AP2B1: variants seen among roughly 807,000 people sequenced by gnomAD.
The protein encoded by AP2B1 is adaptor related protein complex 2 subunit beta 1, also known as AP-2 complex subunit beta.
In AP2B1, 23 loss-of-function variants were observed where a neutral mutation model predicts 102.0. The ratio of observed to expected loss-of-function variants is 0.23; its 90% CI spans 0.16 to 0.32. The LOEUF is 0.32. Among genes scored for constraint, AP2B1 ranks in the 10% least tolerant of loss-of-function variants. The probability of loss-of-function intolerance (pLI) is 1.00; values close to 1 mark genes in which losing one functional copy is unlikely to be tolerated. For missense variants in AP2B1, 541 were observed against 1,157.4 expected, an observed-to-expected ratio of 0.47 and a Z score of 7.73; for synonymous variants, 381 against 421.2, an observed-to-expected ratio of 0.90 and a Z score of 1.17.
At chr17:35,704,638 A>C (rs1268554135) in intron 18 of AP2B1, among the ~76,000 whole-genome samples, 2 of 152,176 alleles carry the variant, frequency 1.3e-5, no homozygotes, top group Non-Finnish European at 2.9e-5. Flanking sequence ...GGGAGGTGTT[A>C]GAGCTTTCTG....
chr17:35,651,283 TAA>T (rs58170702), intron 13 of AP2B1, among the ~76,000 whole-genome samples: 1 of 149,304 alleles, frequency 6.7e-6, no homozygotes, highest in Non-Finnish European at 1.5e-5. Flanking sequence ...TTGTTTTATT[TAA>T]AAAAAAAAGC....
intron 16 of AP2B1, 137 bp from the exon 17 acceptor site, chr17:35,674,039 A>G: frequency 2.4e-6 from 2 of 823,954 alleles, no homozygotes. Context: ...TTTATAGTAT[A>G]AAAATTACTA....
intron 17 of AP2B1, among the ~76,000 whole-genome samples, chr17:35,680,299 A>C (rs2075789930): frequency 6.6e-6 from 1 of 152,098 alleles, no homozygotes; most frequent in Non-Finnish European, 1.5e-5. Context: ...AATTTGTATC[A>C]TTTTGTTTGT....
Position 35,627,742 on chromosome 17 carries a change from T to G in AP2B1, c.1155+16T>G. 1 of 1,605,740 alleles carries G rather than the reference T, an allele frequency of 6.2e-7. No homozygotes were observed. Among genetic ancestry groups the G allele is most frequent in the Non-Finnish European group, 8.5e-7 (1 of 1,173,814 alleles). On this transcript the variant is annotated intron_variant, in intron 9 of 21. Coordinates refer to ENST00000610402, the MANE Select transcript of AP2B1 (RefSeq NM_001030006.2). ...CAAGGTGGAGGCAAGTGTCTGATGG[T>G]AGTTAGGATCATGTATTGGGGATTC... is the stretch of plus-strand genomic sequence containing the variant.
intron 21 of AP2B1, among the ~76,000 whole-genome samples, chr17:35,718,447 T>G (rs1291845357): frequency 6.6e-6 from 1 of 151,848 alleles, no homozygotes; most frequent in Non-Finnish European, 1.5e-5. Flanking sequence ...TGTATGCTCC[T>G]CTCCCCAACC....
In AP2B1 at chr17:35,608,219, A is replaced by C. The variant is rs1223945957; in HGVS notation, c.357A>C (p.Thr119=). Residue 119 remains threonine, a synonymous_variant, in exon 5 of 22, where the codon ACA becomes ACC. Transcript: ENST00000610402. The part of the protein sequence containing the change: ...TMGCIRVDKI[T]EYLCEPLRKC... Reference sequence around the variant, plus strand: ...GGTGCATCCGGGTAGACAAAATTACAGAATATCTCTGTGAGCCGCTCCGCA... The same window carrying C: ...GGTGCATCCGGGTAGACAAAATTACCGAATATCTCTGTGAGCCGCTCCGCA... 5 of 1,614,182 alleles carry C rather than the reference A, an allele frequency of 3.1e-6. No homozygotes were observed. In the South Asian group the frequency reaches 5.5e-5, roughly 18 times the overall value.
chr17:35,640,495 C>G (rs770766156), intron 11 of AP2B1, among the ~76,000 whole-genome samples: 98 of 152,150 alleles, frequency 6.4e-4, no homozygotes, highest in Non-Finnish European at 1.1e-3. Context: ...ACCTCGGCTT[C>G]CCAAAGTGCT....
chr17:35,671,703 G>A (rs1479966518), intron 15 of AP2B1, 51 bp from the exon 16 acceptor site: 8 of 1,577,850 alleles, frequency 5.1e-6, no homozygotes, highest in East Asian at 4.5e-5. Flanking sequence ...TTTAAGGACT[G>A]TTAATCTGTT....
intron 14 of AP2B1, among the ~76,000 whole-genome samples, chr17:35,659,471 A>G (rs966813827): frequency 1.3e-5 from 2 of 152,244 alleles, no homozygotes; most frequent in Admixed American, 6.5e-5. Flanking sequence ...GGGTTTTGTC[A>G]TCATATTTTA....
intron 5 of AP2B1, among the ~76,000 whole-genome samples, chr17:35,616,895 C>T (rs770933553): frequency 1.3e-5 from 2 of 152,112 alleles, no homozygotes; most frequent in Non-Finnish European, 1.5e-5. Flanking sequence ...ATTTCTTAGA[C>T]GAGTGGTGTC....
rs138851511 is a variant in AP2B1 at position 35,687,861 on chromosome 17, A to G, written c.2454+5037A>G. Among the ~76,000 whole-genome samples the G allele has an allele frequency of 6.6e-5, 10 of 152,296 alleles. No homozygotes were observed. The East Asian group carries it at 1.5e-3, about 24-fold the overall frequency. ...CCTCCACACCCTGCCCAGTGTTTAC[A>G]TTATTATGACTGCATATATTCTTTG... On this transcript the variant is annotated intron_variant, in intron 18 of 21. Transcript: ENST00000610402.
chr17:35,600,903 G>A (rs111540406), intron 3 of AP2B1: 24,642 of 666,926 alleles, frequency 0.037, 510 homozygotes, highest in South Asian at 0.055. Flanking sequence ...AAATGGCAGC[G>A]TAGGAAATGA....
chr17:35,603,384 A>G (rs1231489880), intron 3 of AP2B1, among the ~76,000 whole-genome samples: 3 of 152,244 alleles, frequency 2.0e-5, no homozygotes, highest in African/African-American at 4.8e-5. Context: ...TACAGCTTAC[A>G]CTTTAGAATC....
intron 19 of AP2B1, 110 bp downstream of exon 19, chr17:35,709,418 G>A (rs1555586422): frequency 6.0e-6 from 5 of 837,154 alleles, no homozygotes; most frequent in Non-Finnish European, 9.9e-6. Flanking sequence ...AAAAAAAATG[G>A]GTTAAGGATA....
chr17:35,619,236 T>C (rs573398603), intron 5 of AP2B1, among the ~76,000 whole-genome samples: 1 of 152,388 alleles, frequency 6.6e-6, no homozygotes, highest in Non-Finnish European at 1.5e-5. Flanking sequence ...AGAGTTGTTA[T>C]GAGGATTAAT....
At chr17:35,712,331 A>T (rs2076467978) in intron 20 of AP2B1, among the ~76,000 whole-genome samples, 1 of 152,134 alleles carries the variant, frequency 6.6e-6, no homozygotes, top group Non-Finnish European at 1.5e-5. Flanking sequence ...CTTTTCCCTT[A>T]TGAAAAAGGG....
chr17:35,636,478 C>T, intron 10 of AP2B1, 22 bp downstream of exon 10: 1 of 1,566,834 alleles, frequency 6.4e-7, no homozygotes, highest in Non-Finnish European at 8.8e-7. Context: ...TACCTTTACC[C>T]CTCTTTCTCA....
At position 35,642,034 on chromosome 17, in the gene AP2B1, A is replaced by G. The variant is rs538890174; in HGVS notation, c.1536+59A>G. Reference sequence around the variant, plus strand: ...GTCTTGTTTCAAATTGTAGGAAATTATGAAACTCTTCCTAGGGGATTCATT... The same window carrying G: ...GTCTTGTTTCAAATTGTAGGAAATTGTGAAACTCTTCCTAGGGGATTCATT... On this transcript the variant is annotated intron_variant, in intron 12 of 21. Coordinates refer to ENST00000610402, the MANE Select transcript of AP2B1 (RefSeq NM_001030006.2). 21 of 1,309,380 alleles carry G rather than the reference A, an allele frequency of 1.6e-5. No individual in the cohort carries two copies. The East Asian group carries it at 4.4e-4, about 27-fold the overall frequency. The allele number at this position is 1,309,380 out of a possible 1,614,324, so 81.1% of individuals were successfully genotyped here. A position where few individuals can be genotyped will look rare whatever the true frequency, so the allele number is the denominator to read the frequency against.
In AP2B1 at chr17:35,624,547, C is replaced by A; in HGVS notation, c.676C>A (p.Leu226Met). The change falls in exon 6 of 22, where the codon CTG becomes ATG. Residue 226 changes from leucine to methionine, a missense_variant. Transcript: ENST00000610402. ...GGGCCAGATTTTCATCCTGGACTGC[C>A]TGTCTAATTACAACCCTAAAGATGA... ...EWGQIFILDC[L>M]SNYNPKDDRE... The A allele has an allele frequency of 6.2e-7, 1 of 1,614,136 alleles. No individual in the cohort carries two copies. The highest frequency in any genetic ancestry group is 8.5e-7 in the Non-Finnish European group (1 of 1,179,990).
Sources: gnomAD v4.1 joint callset for allele counts (sites outside exome capture counted in the v4.1 genomes callset) on GRCh38, gnomAD v4.1.1 for gene constraint, MANE v1.5 for transcripts, NCBI Gene and HGNC (gene_info 2026-07-23, HGNC 2026-07-21) for gene names.